Variants in DYRK1A observed in about 807,000 individuals in gnomAD.
DYRK1A encodes the protein dual specificity tyrosine-phosphorylation-regulated kinase 1A.
DYRK1A carries 9 observed loss-of-function variants against 79.7 expected under a neutral mutation model. That is an observed-to-expected ratio of 0.11 (90% CI 0.07 to 0.20). DYRK1A has a LOEUF of 0.20. Among genes scored for constraint, DYRK1A ranks in the 10% least tolerant of loss-of-function variants. DYRK1A has a pLI of 1.00. For synonymous variants in DYRK1A, 349 were observed against 329.7 expected, an observed-to-expected ratio of 1.06 and a Z score of -0.63; for missense variants, 622 against 956.0, an observed-to-expected ratio of 0.65 and a Z score of 4.61.
At chr21:37,398,383 G>A (rs2049997085) in intron 1 of DYRK1A, among the ~76,000 whole-genome samples, 1 of 151,446 alleles carries the variant, frequency 6.6e-6, no homozygotes, top group Non-Finnish European at 1.5e-5. Flanking sequence ...ATTTTTAGGT[G>A]GTATTACAAG....
intron 1 of DYRK1A, among the ~76,000 whole-genome samples, chr21:37,369,115 T>C (rs2049378764): frequency 6.6e-6 from 1 of 152,230 alleles, no homozygotes; most frequent in African/African-American, 2.4e-5. Flanking sequence ...AAGTTATTTT[T>C]AGTTATTCTT....
intron 1 of DYRK1A, among the ~76,000 whole-genome samples, chr21:37,408,485 A>G (rs998690328): frequency 2.0e-5 from 3 of 152,246 alleles, no homozygotes; most frequent in Non-Finnish European, 4.4e-5. Context: ...TCCTTTTAGA[A>G]AAGAGACTTA....
intron 6 of DYRK1A, 71 bp downstream of exon 6, chr21:37,486,685 A>G (rs1176450884): frequency 5.3e-6 from 7 of 1,321,774 alleles, no homozygotes; most frequent in South Asian, 4.5e-5. Flanking sequence ...GTTCTTTTCT[A>G]TCAAAATATT....
Position 37,516,856 on chromosome 21 carries a change from G to A in DYRK1A, c.*4325G>A, listed in dbSNP as rs2053885893. ...TTCTAATTTCCTACTTTAAATCTTA[G>A]GAGACAAAGTGTTTCTCCAACTGGA... On this transcript the variant is annotated 3_prime_UTR_variant, in exon 12 of 12. Coordinates refer to ENST00000647188, the MANE Select transcript of DYRK1A (RefSeq NM_001347721.2). The A allele has an allele frequency of 6.6e-6, 1 of 152,078 alleles. No homozygotes were observed. Among genetic ancestry groups the A allele is most frequent in the Non-Finnish European group, 1.5e-5 (1 of 68,018 alleles). The allele number at this position is 152,078 out of a possible 1,614,324, so 9.4% of individuals were successfully genotyped here. A position where few individuals can be genotyped will look rare whatever the true frequency, so the allele number is the denominator to read the frequency against.
At chr21:37,392,924 C>T (rs1351478541) in intron 1 of DYRK1A, among the ~76,000 whole-genome samples, 1 of 152,222 alleles carries the variant, frequency 6.6e-6, no homozygotes, top group Non-Finnish European at 1.5e-5. Flanking sequence ...AATGCTGTGT[C>T]CTCACAAGGC....
chr21:37,389,918 G>GTTTTTTTT (rs1337784767), intron 1 of DYRK1A, among the ~76,000 whole-genome samples: 1 of 145,040 alleles, frequency 6.9e-6, no homozygotes. Flanking sequence ...TATGTATTTT[G>GTTTTTTTT]TTTTTTGTTT....
chr21:37,456,541 C>G (rs909886665), intron 2 of DYRK1A, among the ~76,000 whole-genome samples: 1 of 152,176 alleles, frequency 6.6e-6, no homozygotes, highest in African/African-American at 2.4e-5. Flanking sequence ...TTTCCTAACC[C>G]TGCGTCTTTT....
At chr21:37,509,623 C>CT (rs2053696520) in intron 11 of DYRK1A, among the ~76,000 whole-genome samples, 1 of 152,140 alleles carries the variant, frequency 6.6e-6, no homozygotes, top group Admixed American at 6.5e-5. Flanking sequence ...TGAGGTCTCA[C>CT]TATGTTTCTC....
At chr21:37,506,402 T>G in intron 11 of DYRK1A, 179 bp downstream of exon 11, 2 of 1,515,158 alleles carry the variant, frequency 1.3e-6, no homozygotes, top group South Asian at 2.6e-5. Flanking sequence ...TTCCTCCTCC[T>G]TGTCTAGAAG....
At chr21:37,369,626 A>G (rs1034827545) in intron 1 of DYRK1A, among the ~76,000 whole-genome samples, 3 of 152,256 alleles carry the variant, frequency 2.0e-5, no homozygotes, top group Non-Finnish European at 4.4e-5. Context: ...CGAGAGGCAT[A>G]AGCTCAGAGA....
At chr21:37,494,822 C>CA (rs1569383568) in intron 8 of DYRK1A, among the ~76,000 whole-genome samples, 4 of 151,772 alleles carry the variant, frequency 2.6e-5, no homozygotes, top group Admixed American at 2.6e-4. Context: ...GTGTTGCGTG[C>CA]CTGTAATCCC....
At chr21:37,469,981 T>C (rs2052166537) in intron 2 of DYRK1A, among the ~76,000 whole-genome samples, 1 of 152,072 alleles carries the variant, frequency 6.6e-6, no homozygotes, top group South Asian at 2.1e-4. Flanking sequence ...CTGTCTCTAC[T>C]AAAAATACAA....
chr21:37,407,148 T>A (rs1235883202), intron 1 of DYRK1A, among the ~76,000 whole-genome samples: 2 of 152,136 alleles, frequency 1.3e-5, no homozygotes. Context: ...TTCGAAGTGT[T>A]TGGGAGTACA....
chr21:37,472,994 G>A (rs2052280008), intron 3 of DYRK1A, 114 bp downstream of exon 3: 1 of 798,958 alleles, frequency 1.3e-6, no homozygotes, highest in Non-Finnish European at 1.8e-6. Context: ...CATGCAACGT[G>A]GGATTATGGA....
intron 4 of DYRK1A, 27 bp from the exon 5 acceptor site, chr21:37,480,611 A>G (rs2052603422): frequency 6.5e-7 from 1 of 1,528,608 alleles, no homozygotes; most frequent in African/African-American, 1.4e-5. Flanking sequence ...TAAATTTTAC[A>G]GTTAACACTA....
intron 1 of DYRK1A, among the ~76,000 whole-genome samples, chr21:37,409,140 T>C (rs1174380646): frequency 2.6e-5 from 4 of 152,162 alleles, no homozygotes; most frequent in Admixed American, 2.0e-4. Flanking sequence ...AGTAGGACTT[T>C]GTTCATGTGG....
rs978757439 is a variant in DYRK1A, at chr21:37,525,659, T to C, written c.*13128T>C. 6.6e-6 allele frequency: 1 copy of C among 152,244 alleles called. No individual in the cohort carries two copies. Among genetic ancestry groups the C allele is most frequent in the Non-Finnish European group, 1.5e-5 (1 of 68,038 alleles). 9.4% of individuals were successfully genotyped at this position (152,244 alleles called of 1,614,324 possible). A position where few individuals can be genotyped will look rare whatever the true frequency, so the allele number is the denominator to read the frequency against. On this transcript the variant is annotated 3_prime_UTR_variant, in exon 12 of 12. Transcript: ENST00000647188. ...GTATTATTTAAGTCAACAGATACTT[T>C]GTGAGAAATATTTGAATCTATCATG...
intron 2 of DYRK1A, chr21:37,430,190 GTTAC>G (rs1374944503): frequency 1.6e-6 from 1 of 629,362 alleles, no homozygotes; most frequent in African/African-American, 2.0e-5. Flanking sequence ...TTACCCACCA[GTTAC>G]TTCCAGCTTG....
At chr21:37,388,100 A>ATT (rs34571307) in intron 1 of DYRK1A, among the ~76,000 whole-genome samples, 14,127 of 116,446 alleles carry the variant, frequency 0.12, 1,165 homozygotes, top group Middle Eastern at 0.16. Flanking sequence ...CTTCCCTTTG[A>ATT]TTTTTTTTTT....
Sources: gnomAD v4.1 joint callset for allele counts (sites outside exome capture counted in the v4.1 genomes callset) on GRCh38, gnomAD v4.1.1 for gene constraint, MANE v1.5 for transcripts, NCBI Gene and HGNC (gene_info 2026-07-23, HGNC 2026-07-21) for gene names.